The following DENND2B variants were observed in gnomAD, a reference collection of about 807,000 sequenced individuals.
DENND2B encodes DENN domain-containing protein 2B.
DENND2B carries 32 observed loss-of-function variants against 116.0 expected under a neutral mutation model. That is an observed-to-expected ratio of 0.28 (90% confidence interval 0.21 to 0.37). The LOEUF (loss-of-function observed/expected upper bound fraction) is 0.37. DENND2B is among the 10% of genes least tolerant of loss of function. The pLI, the probability that DENND2B is intolerant of heterozygous loss-of-function variation, is 1.00. For missense variants in DENND2B, 1,276 were observed against 1,477.7 expected (o/e 0.86, Z 2.24); for synonymous variants, 588 against 583.9 (o/e 1.01, Z -0.10).
intron 17 of DENND2B, 143 bp downstream of exon 17, chr11:8,697,382 G>A (rs1201105953): frequency 5.2e-5 from 33 of 630,076 alleles, no homozygotes; most frequent in Non-Finnish European, 5.6e-5. Flanking sequence ...ACCTGGGGTA[G>A]AAAAGACGCT....
intron 1 of DENND2B, among the ~76,000 whole-genome samples, chr11:8,760,339 C>A (rs1262372290): frequency 2.0e-5 from 3 of 152,168 alleles, no homozygotes; most frequent in African/African-American, 2.4e-5. Context: ...CCAAGATTCT[C>A]AAAAATGTGA....
intron 2 of DENND2B, among the ~76,000 whole-genome samples, chr11:8,870,112 C>T (rs939374375): frequency 5.9e-5 from 9 of 152,138 alleles, no homozygotes; most frequent in South Asian, 2.1e-4. Flanking sequence ...TTCCCAAGAC[C>T]CTGCTATCCA....
intron 16 of DENND2B, among the ~76,000 whole-genome samples, chr11:8,698,246 C>G (rs943271787): frequency 2.7e-5 from 4 of 150,552 alleles, no homozygotes; most frequent in African/African-American, 9.8e-5. Context: ...TCCCCAATTC[C>G]TCCATCTTCA....
At chr11:8,733,893 T>C (rs1374799696) in intron 2 of DENND2B, among the ~76,000 whole-genome samples, 2 of 152,182 alleles carry the variant, frequency 1.3e-5, no homozygotes, top group Non-Finnish European at 1.5e-5. Context: ...CAGCATAAAA[T>C]AGAGAGTAGA....
chr11:8,801,258 G>A (rs1456630484), intron 1 of DENND2B, among the ~76,000 whole-genome samples: 3 of 151,928 alleles, frequency 2.0e-5, no homozygotes, highest in African/African-American at 7.3e-5. Flanking sequence ...CAGGAGCTCC[G>A]ATCTATATGC....
At chr11:8,791,765 C>A (rs80332769) in intron 1 of DENND2B, among the ~76,000 whole-genome samples, 21 of 147,444 alleles carry the variant, frequency 1.4e-4, no homozygotes, top group Non-Finnish European at 1.2e-4. Flanking sequence ...GACCCTATCT[C>A]AAAAAAAAAA....
chr11:8,776,144 G>GCACA (rs1565922919), intron 1 of DENND2B: 1 of 189,516 alleles, frequency 5.3e-6, no homozygotes, highest in Non-Finnish European at 1.1e-5. Context: ...ACGCACGTGC[G>GCACA]CGCACGCGCG....
intron 1 of DENND2B, among the ~76,000 whole-genome samples, chr11:8,784,841 A>T (rs2058743254): frequency 6.6e-6 from 1 of 151,728 alleles, no homozygotes; most frequent in Non-Finnish European, 1.5e-5. Context: ...CCTTCTCAAA[A>T]AAAAAAAAAG....
chr11:8,704,317 C>A (rs772803650), intron 13 of DENND2B, among the ~76,000 whole-genome samples: 1 of 152,094 alleles, frequency 6.6e-6, no homozygotes, highest in Non-Finnish European at 1.5e-5. Flanking sequence ...ACTTGACTCC[C>A]CAAAGAGAAA....
Position 8,730,247 on chromosome 11 carries a change from G to C in DENND2B, c.1043C>G (p.Ala348Gly). The change falls in exon 3 of 20, where the codon GCG becomes GGG. Residue 348 changes from alanine to glycine, a missense_variant. This residue lies in a region of DENND2B where 856 missense variants were observed against 846.6 expected (regional missense o/e 1.01). Coordinates refer to ENST00000313726, the MANE Select transcript of DENND2B (RefSeq NM_213618.2). The surrounding 1 kb of genome is among the most constrained non-coding windows in gnomAD (Gnocchi z 4.1). ...GCCTTCCCTCTCTGGGGGTGGGCCC[G>C]CCTCCCCCGCAACACCAGCCACTCC... The part of the protein sequence containing the change: ...AVGVAGVAGE[A>G]GPPPEREGSG... 1 of 1,609,796 alleles carries C rather than the reference G, an allele frequency of 6.2e-7. No homozygotes were observed. The highest frequency in any genetic ancestry group is 2.2e-5 in the East Asian group (1 of 44,858).
intron 1 of DENND2B, among the ~76,000 whole-genome samples, chr11:8,756,643 G>A (rs1446029734): frequency 1.3e-5 from 2 of 152,208 alleles, no homozygotes; most frequent in Non-Finnish European, 2.9e-5. Flanking sequence ...AGGAGCTGAA[G>A]GCCAGGTTAA....
intron 2 of DENND2B, among the ~76,000 whole-genome samples, chr11:8,865,895 T>C (rs2063557665): frequency 6.6e-6 from 1 of 151,180 alleles, no homozygotes; most frequent in Non-Finnish European, 1.5e-5. Flanking sequence ...CCAAATGCCA[T>C]CCCCACTAAA....
chr11:8,741,580 T>C (rs1455529134), intron 2 of DENND2B, among the ~76,000 whole-genome samples: 3 of 152,208 alleles, frequency 2.0e-5, no homozygotes, highest in African/African-American at 7.2e-5. Flanking sequence ...CCAAATTCTT[T>C]GACATGCCTC....
At chr11:8,699,005 C>T (rs1343837807) in intron 15 of DENND2B, 31 bp from the exon 16 acceptor site, 1 of 1,613,090 alleles carries the variant, frequency 6.2e-7, no homozygotes, top group African/African-American at 1.3e-5. Flanking sequence ...CAGAGTGGCT[C>T]AGGGCATGAG....
chr11:8,839,423 GGCTT>G (rs1392948722), intron 3 of DENND2B: 37 of 152,276 alleles, frequency 2.4e-4, no homozygotes, highest in African/African-American at 8.4e-4. Flanking sequence ...TTTAAGAAAG[GGCTT>G]CAAATAGGAT....
At position 8,711,249 on chromosome 11, in the gene DENND2B, C is replaced by A; in HGVS notation, c.2173-18G>T. ...CGGTCCAGCTGCAGGGAAGAAGGAA[C>A]CAGGAGATGACATGGAACCTGAGGG... is the stretch of plus-strand genomic sequence containing the variant. On this transcript the variant is annotated intron_variant, in intron 9 of 19. Transcript: ENST00000313726. 6.2e-7 allele frequency: 1 copy of A among 1,611,676 alleles called. No individual in the cohort carries two copies. Among genetic ancestry groups the A allele is most frequent in the Non-Finnish European group, 8.5e-7 (1 of 1,178,758 alleles).
intron 1 of DENND2B, among the ~76,000 whole-genome samples, chr11:8,761,023 T>TC (rs35536605): frequency 0.27 from 40,370 of 152,038 alleles, 6,498 homozygotes; most frequent in Middle Eastern, 0.43. Context: ...CCAACCCTCC[T>TC]CCTCAAAGAA....
intron 1 of DENND2B, among the ~76,000 whole-genome samples, chr11:8,898,722 T>C (rs1474835054): frequency 6.6e-6 from 1 of 152,206 alleles, no homozygotes; most frequent in Non-Finnish European, 1.5e-5. Context: ...AGAGACCACA[T>C]TGACTACAAA....
intron 1 of DENND2B, among the ~76,000 whole-genome samples, chr11:8,773,361 C>A (rs1386694098): frequency 3.3e-5 from 5 of 152,168 alleles, no homozygotes; most frequent in Admixed American, 6.5e-5. Flanking sequence ...AGCAAACAGG[C>A]CTCACCCCAG....
Sources: gnomAD v4.1 joint callset for allele counts (sites outside exome capture counted in the v4.1 genomes callset) on GRCh38, gnomAD v4.1.1 for gene constraint, gnomAD v4.1.1 regional missense constraint, Gnocchi (gnomAD v3.1) non-coding constraint, MANE v1.5 for transcripts, NCBI Gene and HGNC (gene_info 2026-07-23, HGNC 2026-07-21) for gene names.